The following SEC24D variants were observed in gnomAD, a reference collection of about 807,000 sequenced individuals.
SEC24D encodes protein transport protein Sec24D.
In SEC24D, 69 loss-of-function variants were observed where a neutral mutation model predicts 116.9. The observed-to-expected ratio is 0.59, with a 90% CI of 0.49 to 0.72. The LOEUF is 0.72. SEC24D is among the 30% of genes least tolerant of loss of function. The pLI is 0.00. For missense variants in SEC24D, 1,131 were observed against 1,264.1 expected (o/e 0.89, Z 1.60); for synonymous variants, 405 against 442.8 (o/e 0.91, Z 1.07).
chr4:118,756,037 G>A (rs1727075696), intron 11 of SEC24D, among the ~76,000 whole-genome samples: 1 of 152,114 alleles, frequency 6.6e-6, no homozygotes, highest in African/African-American at 2.4e-5. Context: ...CATATCACCA[G>A]CATTGATAAG....
chr4:118,793,384 G>A lies in SEC24D; in HGVS notation c.1041+4299C>T, dbSNP rs912918979. Among the ~76,000 whole-genome samples, 7 of 148,568 alleles carry A rather than the reference G, an allele frequency of 4.7e-5. No individual in the cohort carries two copies. In the South Asian group the frequency reaches 6.4e-4, roughly 14 times the overall value. On this transcript the variant is annotated intron_variant, in intron 8 of 22. Coordinates refer to ENST00000280551, the MANE Select transcript of SEC24D (RefSeq NM_014822.4). ...TGGGAGGCTGAGGCAGGAGAATGGC[G>A]TGAACCCGGGAGGCGGAGCTTGCAG...
intron 19 of SEC24D, 74 bp downstream of exon 19, chr4:118,738,187 T>C (rs537065395): frequency 2.0e-6 from 2 of 996,054 alleles, no homozygotes; most frequent in South Asian, 2.6e-5. Flanking sequence ...ATCATAAGCC[T>C]TCTATAGCTA....
rs1303987858 is a variant in SEC24D at position 118,806,613 on chromosome 4, G to A, written c.802-659C>T. On this transcript the variant is annotated intron_variant, in intron 6 of 22. Transcript: ENST00000280551. ...CTCTCAAAGTGTTGGTGTTACAGGT[G>A]TGAGCCACTGCACCTGGCCAGCATT... Among the ~76,000 whole-genome samples, 3 of 151,698 alleles carry A rather than the reference G, an allele frequency of 2.0e-5. No individual in the cohort carries two copies. The East Asian group carries it at 5.8e-4, about 29-fold the overall frequency.
intron 11 of SEC24D, among the ~76,000 whole-genome samples, chr4:118,755,678 C>A (rs1349914740): frequency 6.6e-6 from 1 of 152,018 alleles, no homozygotes; most frequent in African/African-American, 2.4e-5. Context: ...TTAATCAAGA[C>A]TTCAGACTGT....
At chr4:118,820,312 C>T (rs1266404830) in intron 3 of SEC24D, among the ~76,000 whole-genome samples, 1 of 151,712 alleles carries the variant, frequency 6.6e-6, no homozygotes, top group African/African-American at 2.4e-5. Flanking sequence ...TTCCGAGTAG[C>T]TGGGATTACA....
intron 22 of SEC24D, among the ~76,000 whole-genome samples, chr4:118,724,947 C>T (rs1425769606): frequency 6.6e-6 from 1 of 152,192 alleles, no homozygotes; most frequent in Non-Finnish European, 1.5e-5. Context: ...AGCTGCTTCA[C>T]CAGCTGCAGC....
chr4:118,780,546 G>A (rs535926110), intron 8 of SEC24D, among the ~76,000 whole-genome samples: 2 of 152,180 alleles, frequency 1.3e-5, no homozygotes, highest in South Asian at 2.1e-4. Context: ...TGGAATAAGC[G>A]TGATGTGGTA....
intron 8 of SEC24D, among the ~76,000 whole-genome samples, chr4:118,795,216 T>C (rs1729125274): frequency 6.6e-6 from 1 of 151,880 alleles, no homozygotes; most frequent in African/African-American, 2.4e-5. Context: ...ACTTTTTTTT[T>C]TTTTTGAGAC....
intron 8 of SEC24D, among the ~76,000 whole-genome samples, chr4:118,780,906 G>GAT (rs1728368824): frequency 4.7e-5 from 5 of 106,118 alleles, no homozygotes; most frequent in Admixed American, 1.1e-4. Context: ...TGCAACCCCT[G>GAT]CTTTTTTTTT....
intron 8 of SEC24D, among the ~76,000 whole-genome samples, chr4:118,775,946 T>G (rs1157582129): frequency 6.6e-6 from 1 of 152,212 alleles, no homozygotes; most frequent in Non-Finnish European, 1.5e-5. Flanking sequence ...ATTTTTAAAT[T>G]GAATTTCTAA....
intron 2 of SEC24D, chr4:118,825,626 A>G: frequency 4.4e-6 from 2 of 456,174 alleles, no homozygotes; most frequent in Non-Finnish European, 8.8e-6. Context: ...TTCCTGTAAA[A>G]TGAAAGGCTT....
At chr4:118,725,168 A>G (rs1242342392) in intron 22 of SEC24D, among the ~76,000 whole-genome samples, 2 of 152,278 alleles carry the variant, frequency 1.3e-5, no homozygotes, top group East Asian at 3.9e-4. Flanking sequence ...TGTTGCCACA[A>G]CTCAGCTAAT....
At chr4:118,793,165 G>C (rs1246930433) in intron 8 of SEC24D, among the ~76,000 whole-genome samples, 1 of 152,122 alleles carries the variant, frequency 6.6e-6, no homozygotes, top group Non-Finnish European at 1.5e-5. Flanking sequence ...GCCAAAAGAG[G>C]AGAATCTGTC....
intron 3 of SEC24D, 137 bp from the exon 4 acceptor site, chr4:118,817,549 CTTTAA>C (rs1730204269): frequency 1.7e-6 from 1 of 595,236 alleles, no homozygotes; most frequent in South Asian, 3.5e-5. Flanking sequence ...TATACTAAAT[CTTTAA>C]TTAAGCTTGA....
At chr4:118,820,793 A>G (rs1730369033) in intron 3 of SEC24D, among the ~76,000 whole-genome samples, 1 of 152,116 alleles carries the variant, frequency 6.6e-6, no homozygotes, top group Admixed American at 6.6e-5. Flanking sequence ...ATTTTAATTT[A>G]TGGTTTCATT....
chr4:118,764,745 T>G, intron 10 of SEC24D, 57 bp downstream of exon 10: 1 of 982,098 alleles, frequency 1.0e-6, no homozygotes, highest in Non-Finnish European at 1.6e-6. Context: ...CATATGAAAG[T>G]TATTCACTTG....
At chr4:118,787,556 T>C (rs1728706137) in intron 8 of SEC24D, among the ~76,000 whole-genome samples, 2 of 152,208 alleles carry the variant, frequency 1.3e-5, no homozygotes, top group African/African-American at 4.8e-5. Context: ...CTCAAGTCTA[T>C]AATCCCGGCA....
At chr4:118,758,997 A>G (rs1175061593) in intron 10 of SEC24D, among the ~76,000 whole-genome samples, 1 of 152,178 alleles carries the variant, frequency 6.6e-6, no homozygotes, top group Non-Finnish European at 1.5e-5. Context: ...ATGGATGAAA[A>G]TAACAACCTT....
Position 118,822,310 on chromosome 4 carries a change from C to G in SEC24D, c.248+2310G>C, listed in dbSNP as rs148126916. On this transcript the variant is annotated intron_variant, in intron 3 of 22. Coordinates refer to ENST00000280551, the MANE Select transcript of SEC24D (RefSeq NM_014822.4). ...CAAGATTAGCAAACATGTCCTGACT[C>G]TAGAGTCCTCTGCTCTTCACTGGGC... 7.9e-5 allele frequency among the ~76,000 whole-genome samples: 12 copies of G among 152,260 alleles called. No homozygotes were observed. The East Asian group carries it at 2.3e-3, about 29-fold the overall frequency.
Sources: gnomAD v4.1 joint callset for allele counts (sites outside exome capture counted in the v4.1 genomes callset) on GRCh38, gnomAD v4.1.1 for gene constraint, MANE v1.5 for transcripts, NCBI Gene and HGNC (gene_info 2026-07-23, HGNC 2026-07-21) for gene names.